The following PCDH9 variants were observed in gnomAD, a reference collection of about 807,000 sequenced individuals.
The protein encoded by PCDH9 is protocadherin-9.
PCDH9 carries 24 observed loss-of-function variants against 70.6 expected under a neutral mutation model. The observed-to-expected ratio is 0.34, with a 90% CI of 0.25 to 0.48. The LOEUF (loss-of-function observed/expected upper bound fraction) is 0.48, where lower values mean the gene tolerates loss of function less well. PCDH9 is among the 20% of genes least tolerant of loss of function. The probability of loss-of-function intolerance (pLI) is 0.99; values close to 1 mark genes in which losing one functional copy is unlikely to be tolerated. For synonymous variants in PCDH9, 562 were observed against 558.5 expected (o/e 1.01, Z -0.09); for missense variants, 1,281 against 1,503.6 (o/e 0.85, Z 2.45).
At chr13:67,147,418 C>T (rs76120798) in intron 2 of PCDH9, among the ~76,000 whole-genome samples, 2,645 of 152,170 alleles carry the variant, frequency 0.017, 71 homozygotes, top group African/African-American at 0.06. Flanking sequence ...GTGTATCTAC[C>T]AGAATAGCAA....
rs549805230 is a variant in PCDH9 at position 66,927,729 on chromosome 13, C to CTCT, written c.3037-24127_3037-24125dup. On this transcript the variant is annotated intron_variant, in intron 2 of 4. Coordinates refer to ENST00000377865, the MANE Select transcript of PCDH9 (RefSeq NM_203487.3). ...CCTCCATGAGTGTCTGTGTACTAAT[C>CTCT]TCTTCTTATAAGGACACCAGTCATG... 7.6e-3 allele frequency among the ~76,000 whole-genome samples: 1,162 copies of CTCT among 152,026 alleles called. 9 individuals are homozygous for CTCT. The highest frequency in any genetic ancestry group is 0.014 in the Non-Finnish European group (943 of 67,984).
At chr13:66,792,203 T>A (rs1477550716) in intron 3 of PCDH9, among the ~76,000 whole-genome samples, 1 of 152,190 alleles carries the variant, frequency 6.6e-6, no homozygotes. Context: ...CCTGAAGAAT[T>A]CCACAATAGT....
chr13:67,045,971 A>T (rs1270244612), intron 2 of PCDH9, among the ~76,000 whole-genome samples: 1 of 152,116 alleles, frequency 6.6e-6, no homozygotes, highest in Non-Finnish European at 1.5e-5. Context: ...ATAATGAGAA[A>T]TAAAAGGAAG....
intron 4 of PCDH9, among the ~76,000 whole-genome samples, chr13:66,624,605 A>C (rs1351423295): frequency 2.0e-5 from 3 of 152,226 alleles, no homozygotes; most frequent in African/African-American, 7.2e-5. Flanking sequence ...TTTATTGCTA[A>C]GTTCCAGAGG....
intron 3 of PCDH9, among the ~76,000 whole-genome samples, chr13:66,791,111 G>C (rs756080379): frequency 1.3e-5 from 2 of 152,090 alleles, no homozygotes; most frequent in Non-Finnish European, 2.9e-5. Context: ...GCAAGAGTAA[G>C]TGAAGTAACT....
intron 3 of PCDH9, among the ~76,000 whole-genome samples, chr13:66,883,103 C>T (rs553305597): frequency 6.6e-6 from 1 of 152,318 alleles, no homozygotes; most frequent in South Asian, 2.1e-4. Flanking sequence ...TTCACCACCC[C>T]TTGAAGCCCT....
intron 4 of PCDH9, among the ~76,000 whole-genome samples, chr13:66,422,033 T>C (rs1957577170): frequency 6.6e-6 from 1 of 152,130 alleles, no homozygotes; most frequent in Admixed American, 6.5e-5. Context: ...TAAAAGAGAC[T>C]TTAAACCAAC....
chr13:66,842,344 T>C (rs2081130324), intron 3 of PCDH9, among the ~76,000 whole-genome samples: 1 of 152,206 alleles, frequency 6.6e-6, no homozygotes, highest in South Asian at 2.1e-4. Context: ...TCTCCCTATG[T>C]ATACATAGTA....
Position 66,940,203 on chromosome 13 carries a change from T to C in PCDH9, c.3037-36598A>G, listed in dbSNP as rs796495420. 2.0e-5 allele frequency among the ~76,000 whole-genome samples: 3 copies of C among 152,166 alleles called. No homozygotes were observed. The South Asian group carries it at 6.2e-4, about 31-fold the overall frequency. Reference sequence around the variant, plus strand: ...AGTCCCATTTCCAATTCATTGGCCTTCATATTCTAATGAAAACTGGATCAA... The same window carrying C: ...AGTCCCATTTCCAATTCATTGGCCTCCATATTCTAATGAAAACTGGATCAA... On this transcript the variant is annotated intron_variant, in intron 2 of 4. Coordinates refer to ENST00000377865, the MANE Select transcript of PCDH9 (RefSeq NM_203487.3).
chr13:66,509,608 TTTC>T lies in PCDH9; in HGVS notation c.3340+121599_3340+121601del, dbSNP rs199552432. Among the ~76,000 whole-genome samples, 575 of 151,724 alleles carry T rather than the reference TTTC, an allele frequency of 3.8e-3. 6 individuals carry two copies. The highest frequency in any genetic ancestry group is 0.012 in the African/African-American group (498 of 41,500). On this transcript the variant is annotated intron_variant, in intron 4 of 4. Coordinates refer to ENST00000377865, the MANE Select transcript of PCDH9 (RefSeq NM_203487.3). Reference sequence around the variant, plus strand: ...TCTCTCTACTCTATTGCAATAGTCTTTTCTTCTTCTTCTTCTTCTTGTTTGGTA... The same window carrying T: ...TCTCTCTACTCTATTGCAATAGTCTTTTCTTCTTCTTCTTCTTGTTTGGTA...
intron 4 of PCDH9, among the ~76,000 whole-genome samples, chr13:66,429,091 A>G (rs1376944018): frequency 6.7e-6 from 1 of 150,236 alleles, no homozygotes; most frequent in African/African-American, 2.5e-5. Context: ...CTGAAATAAG[A>G]AAGAACACAC....
chr13:66,707,193 C>T (rs550039804), intron 3 of PCDH9, among the ~76,000 whole-genome samples: 3 of 152,138 alleles, frequency 2.0e-5, no homozygotes, highest in Admixed American at 2.0e-4. Flanking sequence ...TAACATGTAG[C>T]AATAACATGG....
chr13:66,308,653 G>C lies in PCDH9; in HGVS notation c.3341-3625C>G, dbSNP rs564894683. ...CAGTTTATATATGAAAAACTGAGTA[G>C]GGTTAGCTAGGGTTTTAGGGCTCTC... On this transcript the variant is annotated intron_variant, in intron 4 of 4. Transcript: ENST00000377865. 5.3e-5 allele frequency among the ~76,000 whole-genome samples: 8 copies of C among 152,096 alleles called. No individual in the cohort carries two copies. The East Asian group carries it at 1.4e-3, about 26-fold the overall frequency.
intron 3 of PCDH9, among the ~76,000 whole-genome samples, chr13:66,692,788 A>G (rs1327340720): frequency 6.6e-6 from 1 of 152,078 alleles, no homozygotes; most frequent in Non-Finnish European, 1.5e-5. Context: ...TAGAAAAACA[A>G]CTATATACAA....
chr13:66,985,504 G>C (rs187871721), intron 2 of PCDH9: 48 of 151,962 alleles, frequency 3.2e-4, no homozygotes, highest in African/African-American at 1.1e-3. Context: ...AAGGTTATTT[G>C]AAATTTCAGA....
chr13:66,764,313 T>G (rs919906743), intron 3 of PCDH9, among the ~76,000 whole-genome samples: 4 of 151,790 alleles, frequency 2.6e-5, no homozygotes, highest in Admixed American at 1.3e-4. Context: ...AAAATTTTCT[T>G]TGAGTTAAAC....
chr13:66,337,127 C>A (rs1956050158), intron 4 of PCDH9, among the ~76,000 whole-genome samples: 1 of 151,800 alleles, frequency 6.6e-6, no homozygotes, highest in Admixed American at 6.6e-5. Flanking sequence ...TATAAAAGCA[C>A]TATAGGAATA....
At chr13:66,573,391 G>A (rs190692224) in intron 4 of PCDH9, among the ~76,000 whole-genome samples, 2 of 151,048 alleles carry the variant, frequency 1.3e-5, no homozygotes, top group East Asian at 2.0e-4. Context: ...TTCTTCACTC[G>A]GTTGATTGTT....
At chr13:66,840,007 A>G (rs755815254) in intron 3 of PCDH9, among the ~76,000 whole-genome samples, 3 of 152,162 alleles carry the variant, frequency 2.0e-5, no homozygotes, top group Non-Finnish European at 4.4e-5. Flanking sequence ...TGCCATGGAC[A>G]CTGCATTTGG....
Sources: gnomAD v4.1 joint callset for allele counts (sites outside exome capture counted in the v4.1 genomes callset) on GRCh38, gnomAD v4.1.1 for gene constraint, MANE v1.5 for transcripts, NCBI Gene and HGNC (gene_info 2026-07-23, HGNC 2026-07-21) for gene names.